Variants in CYREN observed in about 807,000 individuals in gnomAD.
The protein encoded by CYREN is cell cycle regulator of non-homologous end joining.
CYREN carries 7 observed loss-of-function variants against 9.7 expected under a neutral mutation model. The ratio of observed to expected loss-of-function variants is 0.72; its 90% CI spans 0.41 to 1.36. CYREN has a LOEUF of 1.36. CYREN is among the 40% of genes most tolerant of loss of function. CYREN has a pLI of 0.01. For missense variants in CYREN, 215 were observed against 198.1 expected, an observed-to-expected ratio of 1.09 and a Z score of -0.51; for synonymous variants, 76 against 77.9, an observed-to-expected ratio of 0.98 and a Z score of 0.13.
At chr7:135,135,135 A>G in intron 2 of CYREN, 1 of 1,551,210 alleles carries the variant, frequency 6.4e-7, no homozygotes, top group South Asian at 1.2e-5. Flanking sequence ...AGAGTCTTCA[A>G]GCTGAAGAAA....
At chr7:135,154,735 A>T (rs1336089094) in intron 2 of CYREN, among the ~76,000 whole-genome samples, 1 of 152,196 alleles carries the variant, frequency 6.6e-6, no homozygotes, top group Non-Finnish European at 1.5e-5. Context: ...TTCAATTTTT[A>T]AAAAGTTTGT....
chr7:135,110,841 T>C (rs912243726), intron 2 of CYREN, among the ~76,000 whole-genome samples: 2 of 152,220 alleles, frequency 1.3e-5, no homozygotes, highest in African/African-American at 4.8e-5. Flanking sequence ...ATCCTTTGAC[T>C]AAGCCAATGC....
At position 135,151,547 on chromosome 7, in the gene CYREN, G is replaced by A. The variant is rs1246227176; in HGVS notation, n.356+17202C>T. Among the ~76,000 whole-genome samples, 3 of 152,088 alleles carry A rather than the reference G, an allele frequency of 2.0e-5. No homozygotes were observed. The highest frequency in any genetic ancestry group is 4.8e-5 in the African/African-American group (2 of 41,396). The stretch of plus-strand genomic sequence containing the variant: ...CCAGTTCTCCTCTCTCCATTCAGGC[G>A]ACACACCCAACCATGTCTACCTGAC... On this transcript the variant is annotated intron_variant and non_coding_transcript_variant, in intron 2 of 2. Transcript: ENST00000459937. This position sits in a 1 kb window ranked among gnomAD's most constrained non-coding sequence, Gnocchi z 4.3.
At chr7:135,101,181 GA>G (rs1284257992) in intron 2 of CYREN, 1 of 456,166 alleles carries the variant, frequency 2.2e-6, no homozygotes, top group African/African-American at 2.0e-5. Flanking sequence ...CAAGGGAACT[GA>G]TTTGTATGGA....
intron 2 of CYREN, among the ~76,000 whole-genome samples, chr7:135,116,598 TG>T (rs1386582026): frequency 6.6e-6 from 1 of 152,142 alleles, no homozygotes; most frequent in African/African-American, 2.4e-5. Context: ...AATGACACCC[TG>T]GGGGAGGAGA....
chr7:135,150,289 T>G (rs536036467), intron 2 of CYREN, among the ~76,000 whole-genome samples: 1 of 152,358 alleles, frequency 6.6e-6, no homozygotes, highest in South Asian at 2.1e-4. Context: ...CCTGACCCTA[T>G]AATCTAGTCA....
intron 2 of CYREN, among the ~76,000 whole-genome samples, chr7:135,131,427 C>CT (rs571828240): frequency 5.0e-4 from 74 of 148,938 alleles, no homozygotes; most frequent in African/African-American, 1.7e-3. Flanking sequence ...TGTATCCTGG[C>CT]TTTTTTTAGA....
At chr7:135,113,393 C>T (rs1316864035) in intron 2 of CYREN, among the ~76,000 whole-genome samples, 6 of 152,168 alleles carry the variant, frequency 3.9e-5, no homozygotes, top group Admixed American at 1.3e-4. Context: ...CTACTTTTTT[C>T]CTAGAATATT....
chr7:135,154,586 G>T (rs181842910), intron 2 of CYREN, among the ~76,000 whole-genome samples: 2 of 152,044 alleles, frequency 1.3e-5, no homozygotes, highest in Admixed American at 6.5e-5. Flanking sequence ...TTTTTAATTT[G>T]TCTTAATTTC....
chr7:135,161,816 T>C (rs1462936389), downstream of CYREN, among the ~76,000 whole-genome samples: 1 of 152,236 alleles, frequency 6.6e-6, no homozygotes, highest in African/African-American at 2.4e-5. The surrounding 1 kb of genome is among the most constrained non-coding windows in gnomAD (Gnocchi z 4.1). Context: ...CCAGGGCTTC[T>C]GCTGGGACAG....
chr7:135,108,541 T>C (rs538719836), intron 2 of CYREN, among the ~76,000 whole-genome samples: 1 of 152,296 alleles, frequency 6.6e-6, no homozygotes, highest in Non-Finnish European at 1.5e-5. Context: ...GCCCCCAATC[T>C]CTTCTGGCTT....
intron 2 of CYREN, among the ~76,000 whole-genome samples, chr7:135,128,158 G>A (rs1370662658): frequency 6.6e-6 from 1 of 151,752 alleles, no homozygotes; most frequent in Non-Finnish European, 1.5e-5. Context: ...CAGGTGTGGT[G>A]GTGAGTGCCT....
At chr7:135,129,011 G>A in intron 2 of CYREN, 1 of 1,603,918 alleles carries the variant, frequency 6.2e-7, no homozygotes, top group Admixed American at 1.7e-5. Flanking sequence ...ACTGTCTGAA[G>A]GACTACTTTG....
chr7:135,161,779 C>T (rs1829945850), downstream of CYREN, among the ~76,000 whole-genome samples: 1 of 152,216 alleles, frequency 6.6e-6, no homozygotes, highest in Non-Finnish European at 1.5e-5. The surrounding 1 kb of genome is among the most constrained non-coding windows in gnomAD (Gnocchi z 4.1). Flanking sequence ...CCTCCAGAGC[C>T]TTTGACAGTG....
intron 2 of CYREN, among the ~76,000 whole-genome samples, chr7:135,124,411 A>T (rs1282877742): frequency 6.6e-6 from 1 of 152,180 alleles, no homozygotes; most frequent in East Asian, 1.9e-4. Flanking sequence ...GTTCTTAGAG[A>T]CCCAAAAAGA....
At chr7:135,167,135 G>T in intron 3 of CYREN, 1 of 985,400 alleles carries the variant, frequency 1.0e-6, no homozygotes, top group Non-Finnish European at 1.2e-6. Flanking sequence ...AAAGGAAAAA[G>T]AAATGGAAGA....
At chr7:135,131,535 G>A (rs1278535799) in intron 2 of CYREN, among the ~76,000 whole-genome samples, 1 of 151,816 alleles carries the variant, frequency 6.6e-6, no homozygotes, top group Non-Finnish European at 1.5e-5. Flanking sequence ...ATTAAAATAA[G>A]TGAGATATAG....
At chr7:135,162,733 G>C (rs754618499), downstream of CYREN, among the ~76,000 whole-genome samples, 4 of 152,204 alleles carry the variant, frequency 2.6e-5, no homozygotes, top group Non-Finnish European at 5.9e-5. Context: ...TATAATTCAA[G>C]ATGAGATTTG....
intron 2 of CYREN, among the ~76,000 whole-genome samples, chr7:135,096,596 G>GATAC (rs1563260248): frequency 5.2e-5 from 7 of 134,506 alleles, no homozygotes; most frequent in Admixed American, 2.2e-4. Flanking sequence ...TAGATAGATA[G>GATAC]ATAGATAGAT....
Sources: allele counts gnomAD v4.1 joint callset (sites outside exome capture counted in the v4.1 genomes callset), GRCh38; gene constraint gnomAD v4.1.1; non-coding constraint Gnocchi (gnomAD v3.1); transcripts MANE v1.5; gene names NCBI Gene and HGNC (gene_info 2026-07-23, HGNC 2026-07-21).